The following GPC5 variants were observed in gnomAD, a reference collection of about 807,000 sequenced individuals.
GPC5 encodes glypican 5.
GPC5 carries 47 observed loss-of-function variants against 53.9 expected under a neutral mutation model. That is an observed-to-expected ratio of 0.87 (90% CI 0.69 to 1.11). GPC5 has a LOEUF of 1.11. Ranked by LOEUF, GPC5 falls within the 50% of genes most tolerant of loss-of-function variation. GPC5 has a pLI of 0.00. For synonymous variants in GPC5, 286 were observed against 263.3 expected (o/e 1.09, Z -0.84); for missense variants, 748 against 713.1 (o/e 1.05, Z -0.56).
chr13:91,903,637 T>C (rs1379523610), intron 5 of GPC5, among the ~76,000 whole-genome samples: 3 of 152,166 alleles, frequency 2.0e-5, no homozygotes, highest in Non-Finnish European at 4.4e-5. Context: ...TCACATTTCA[T>C]TTGAAGTAAT....
chr13:92,700,621 G>C (rs73625108), intron 7 of GPC5, among the ~76,000 whole-genome samples: 141 of 152,044 alleles, frequency 9.3e-4, no homozygotes, highest in Middle Eastern at 3.4e-3. Context: ...TTGCAATGCT[G>C]CCTAAATTTT....
At chr13:92,739,486 C>T (rs1483888005) in intron 7 of GPC5, among the ~76,000 whole-genome samples, 1 of 151,972 alleles carries the variant, frequency 6.6e-6, no homozygotes, top group Non-Finnish European at 1.5e-5. Context: ...AGCAATTGAA[C>T]AAGCCTTTCT....
intron 2 of GPC5, among the ~76,000 whole-genome samples, chr13:91,512,493 C>T (rs1345942917): frequency 6.6e-6 from 1 of 152,234 alleles, no homozygotes; most frequent in Non-Finnish European, 1.5e-5. Context: ...GGGATTCTCT[C>T]AGCTATTCTG....
chr13:91,492,816 TG>T (rs1884012558), intron 2 of GPC5, among the ~76,000 whole-genome samples: 1 of 152,226 alleles, frequency 6.6e-6, no homozygotes, highest in South Asian at 2.1e-4. Flanking sequence ...CCAATGATCT[TG>T]TTCTCTTTGT....
chr13:91,894,813 G>A (rs73626730), intron 5 of GPC5, among the ~76,000 whole-genome samples: 4,085 of 152,152 alleles, frequency 0.027, 183 homozygotes, highest in African/African-American at 0.092. Context: ...ACCCAGGTGT[G>A]CAGATCAAAC....
At chr13:91,516,528 C>A (rs1369495984) in intron 2 of GPC5, among the ~76,000 whole-genome samples, 1 of 152,186 alleles carries the variant, frequency 6.6e-6, no homozygotes, top group Non-Finnish European at 1.5e-5. Flanking sequence ...CAGGGTACAG[C>A]CTCTCTCCTG....
At chr13:92,229,805 T>C (rs2042516880) in intron 7 of GPC5, among the ~76,000 whole-genome samples, 2 of 152,080 alleles carry the variant, frequency 1.3e-5, no homozygotes, top group South Asian at 2.1e-4. Context: ...ATATTTCATA[T>C]AACTATCTTC....
intron 7 of GPC5, among the ~76,000 whole-genome samples, chr13:92,512,314 C>T (rs1403112168): frequency 2.6e-5 from 4 of 151,916 alleles, no homozygotes; most frequent in Admixed American, 6.6e-5. Flanking sequence ...TTACTATTTC[C>T]GAGTCACCTT....
rs185820347 is a variant in GPC5, at chr13:92,477,490, C to T, written c.1561+332501C>T. On this transcript the variant is annotated intron_variant, in intron 7 of 7. Coordinates refer to ENST00000377067, the MANE Select transcript of GPC5 (RefSeq NM_004466.6). ...TCTGCCTACCCAGTCTGTCTGAGGG[C>T]TATGCTTTCTTCTTCCCTCTCCTGA... 3.3e-3 allele frequency among the ~76,000 whole-genome samples: 499 copies of T among 152,248 alleles called. 6 individuals carry two copies. The highest frequency in any genetic ancestry group is 0.01 in the Middle Eastern group (3 of 294).
chr13:92,038,393 T>TCG (rs1312468143), intron 6 of GPC5, among the ~76,000 whole-genome samples: 11 of 151,180 alleles, frequency 7.3e-5, no homozygotes, highest in South Asian at 2.1e-4. Flanking sequence ...GGTAGATAGA[T>TCG]AGATCGATCC....
chr13:92,394,721 CAAATT>C (rs140258648), intron 7 of GPC5, among the ~76,000 whole-genome samples: 1,704 of 152,166 alleles, frequency 0.011, 29 homozygotes, highest in African/African-American at 0.038. Context: ...ATGTTTTAAA[CAAATT>C]AAAAGAGAAA....
At chr13:92,146,983 G>C (rs1313570739) in intron 7 of GPC5, among the ~76,000 whole-genome samples, 1 of 152,002 alleles carries the variant, frequency 6.6e-6, no homozygotes, top group African/African-American at 2.4e-5. Flanking sequence ...ATAACTCTTA[G>C]GGCATAATGG....
chr13:92,163,511 C>T (rs745621743), intron 7 of GPC5, among the ~76,000 whole-genome samples: 14 of 148,332 alleles, frequency 9.4e-5, no homozygotes, highest in Non-Finnish European at 2.1e-4. Context: ...ACAACATGTA[C>T]AGTAAAAATT....
intron 2 of GPC5, among the ~76,000 whole-genome samples, chr13:91,539,610 C>G (rs2029866721): frequency 6.6e-6 from 1 of 151,996 alleles, no homozygotes; most frequent in Admixed American, 6.6e-5. Flanking sequence ...ACCTTCCTAC[C>G]CTAGAGCCAC....
intron 7 of GPC5, among the ~76,000 whole-genome samples, chr13:92,203,485 G>A (rs1361509761): frequency 9.0e-6 from 1 of 111,190 alleles, no homozygotes; most frequent in Non-Finnish European, 1.8e-5. Flanking sequence ...TGGGGACTGT[G>A]GTGGGGTCGG....
At chr13:92,679,888 C>A (rs980323547) in intron 7 of GPC5, among the ~76,000 whole-genome samples, 8 of 137,928 alleles carry the variant, frequency 5.8e-5, no homozygotes, top group African/African-American at 1.0e-4. Flanking sequence ...TCCACCCCCC[C>A]ACCCTCCCCA....
At chr13:91,969,551 A>G (rs986368813) in intron 6 of GPC5, among the ~76,000 whole-genome samples, 3 of 152,196 alleles carry the variant, frequency 2.0e-5, no homozygotes, top group Non-Finnish European at 4.4e-5. Flanking sequence ...GCTTCTGTAC[A>G]TCAAAGAGAA....
At position 92,805,096 on chromosome 13, in the gene GPC5, T is replaced by A. The variant is rs532061652; in HGVS notation, c.1562-61186T>A. Among the ~76,000 whole-genome samples the A allele has an allele frequency of 6.6e-5, 10 of 152,174 alleles. No individual in the cohort carries two copies. The South Asian group carries it at 2.1e-3, about 32-fold the overall frequency. ...ACCCTTGAAAGTCATCCATGAAGGTTGGAATCAACTTCTTCCAAATTCCTG... is the reference window on the plus strand; with the variant it reads ...ACCCTTGAAAGTCATCCATGAAGGTAGGAATCAACTTCTTCCAAATTCCTG... On this transcript the variant is annotated intron_variant, in intron 7 of 7. Transcript: ENST00000377067.
At chr13:91,957,950 A>G (rs117925353) in intron 6 of GPC5, among the ~76,000 whole-genome samples, 35 of 152,240 alleles carry the variant, frequency 2.3e-4, no homozygotes, top group Non-Finnish European at 4.3e-4. Context: ...ATAAAAAATA[A>G]GAGAAAGAAA....
Sources: gnomAD v4.1 joint callset for allele counts (sites outside exome capture counted in the v4.1 genomes callset) on GRCh38, gnomAD v4.1.1 for gene constraint, MANE v1.5 for transcripts, NCBI Gene and HGNC (gene_info 2026-07-23, HGNC 2026-07-21) for gene names.